Variants in CCL15 observed in about 807,000 individuals in gnomAD.
CCL15 encodes C-C motif chemokine ligand 15.
In CCL15, 8 loss-of-function variants were observed where a neutral mutation model predicts 10.6. That is an observed-to-expected ratio of 0.75 (90% CI 0.44 to 1.36). The LOEUF is 1.36. Ranked by LOEUF, CCL15 falls within the 40% of genes most tolerant of loss-of-function variation. CCL15 has a pLI of 0.00. For synonymous variants in CCL15, 51 were observed against 48.8 expected (o/e 1.04, Z -0.19); for missense variants, 128 against 136.6 (o/e 0.94, Z 0.32).
In CCL15 at chr17:35,998,339, C is replaced by T. The variant is rs959029047; in HGVS notation, c.189G>A (p.Pro63=). 7 of 1,614,054 alleles carry T rather than the reference C, an allele frequency of 4.3e-6. No individual in the cohort carries two copies. Among genetic ancestry groups the T allele is most frequent in the South Asian group, 2.2e-5 (2 of 91,076 alleles). ...CAAAATAACTTTTCATGAGTGAACA[C>T]GGGATGCTTTGTGAGATGTAGGAGG... ...CCTSYISQSI[P]CSLMKSYFET... The change falls in exon 3 of 4, where the codon CCG becomes CCA. Residue 63 remains proline, a synonymous_variant. Coordinates refer to ENST00000617897, the MANE Select transcript of CCL15 (RefSeq NM_032965.6).
intron 1 of CCL15, 88 bp downstream of exon 1, chr17:36,001,329 G>T: frequency 6.6e-7 from 1 of 1,522,156 alleles, no homozygotes; most frequent in South Asian, 1.2e-5. Context: ...AACCATGTCT[G>T]GGCTGGAGAG....
chr17:36,001,107 G>A (rs1164527565), intron 1 of CCL15, among the ~76,000 whole-genome samples: 1 of 152,166 alleles, frequency 6.6e-6, no homozygotes, highest in African/African-American at 2.4e-5. Context: ...AAAATTGTAT[G>A]ATTCTTTTTA....
chr17:36,000,115 C>A (rs1201320425), intron 1 of CCL15, among the ~76,000 whole-genome samples: 1 of 142,814 alleles, frequency 7.0e-6, no homozygotes, highest in Non-Finnish European at 1.5e-5. Flanking sequence ...CGTGCCACTG[C>A]ACTCCAGCCT....
At chr17:35,998,829 G>C (rs1346118693) in intron 2 of CCL15, 37 bp downstream of exon 2, 1 of 1,546,110 alleles carries the variant, frequency 6.5e-7, no homozygotes, top group South Asian at 1.1e-5. Context: ...TGCACCTGCT[G>C]GCTGCTTTTA....
chr17:36,001,501 T>G lies in CCL15; in HGVS notation c.-9A>C. On this transcript the variant is annotated 5_prime_UTR_variant, in exon 1 of 4. Coordinates refer to ENST00000617897, the MANE Select transcript of CCL15 (RefSeq NM_032965.6). ...GCCACGGAGACCTTCATCCTCCTGGTGGGCAGGCAGGGCTGGCCGAGGACT... is the reference window on the plus strand; with the variant it reads ...GCCACGGAGACCTTCATCCTCCTGGGGGGCAGGCAGGGCTGGCCGAGGACT... 2 of 1,613,238 alleles carry G rather than the reference T, an allele frequency of 1.2e-6. No individual in the cohort carries two copies. The highest frequency in any genetic ancestry group is 4.5e-5 in the East Asian group (2 of 44,890).
rs553064365 is a variant in CCL15 at position 35,998,408 on chromosome 17, C to T, written c.137-17G>A. 85 of 1,568,546 alleles carry T rather than the reference C, an allele frequency of 5.4e-5. No homozygotes were observed. Among genetic ancestry groups the T allele is most frequent in the Middle Eastern group, 1.7e-4 (1 of 5,960 alleles). ...AGTGAAAGCCTGCAGCAAGAGAAAG[C>T]GTCATCTGAGGGCAAATCTTTCTCC... is the stretch of plus-strand genomic sequence containing the variant. On this transcript the variant is annotated splice_polypyrimidine_tract_variant and intron_variant, in intron 2 of 3. Coordinates refer to ENST00000617897, the MANE Select transcript of CCL15 (RefSeq NM_032965.6).
chr17:35,998,713 C>T (rs1008300126), intron 2 of CCL15, among the ~76,000 whole-genome samples, 153 bp downstream of exon 2: 1 of 152,204 alleles, frequency 6.6e-6, no homozygotes, highest in Admixed American at 6.5e-5. Flanking sequence ...TGGAGGGGGT[C>T]CCCCTACCCT....
chr17:35,998,591 T>C lies in CCL15; in HGVS notation c.137-200A>G, dbSNP rs531524856. Among the ~76,000 whole-genome samples, 141 of 152,130 alleles carry C rather than the reference T, an allele frequency of 9.3e-4. 1 individual carries two copies. Among genetic ancestry groups the C allele is most frequent in the African/African-American group, 3.3e-3 (136 of 41,508 alleles). On this transcript the variant is annotated intron_variant, in intron 2 of 3. Coordinates refer to ENST00000617897, the MANE Select transcript of CCL15 (RefSeq NM_032965.6). ...GTGGGCCACAGCAGGACCAAGAAAA[T>C]TTCCCCCAGAAGGGGAAGGCATCTG...
intron 1 of CCL15, among the ~76,000 whole-genome samples, chr17:36,000,150 CAAAA>C (rs71157587): frequency 3.1e-5 from 2 of 63,644 alleles, no homozygotes; most frequent in Non-Finnish European, 3.3e-5. Flanking sequence ...GACTCCATCT[CAAAA>C]AAAAAAAAAA....
rs41399552 is a variant in CCL15 at position 35,997,708 on chromosome 17, C to T, written c.*59G>A. 1.3e-4 allele frequency: 128 copies of T among 1,003,936 alleles called. No homozygotes were observed. The East Asian group carries it at 2.8e-3, about 22-fold the overall frequency. The allele number at this position is 1,003,936 out of a possible 1,614,324, so 62.2% of individuals were successfully genotyped here. ...ATATATATTTTTTAAGTATTTCAGA[C>T]CAAGAAACTCACAGGAGGTGTTGGA... On this transcript the variant is annotated 3_prime_UTR_variant, in exon 4 of 4. Coordinates refer to ENST00000617897, the MANE Select transcript of CCL15 (RefSeq NM_032965.6).
chr17:36,001,551 C>A lies in CCL15; in HGVS notation c.-59G>T, dbSNP rs2089997018. 1 of 1,605,522 alleles carries A rather than the reference C, an allele frequency of 6.2e-7. No homozygotes were observed. The highest frequency in any genetic ancestry group is 2.2e-5 in the East Asian group (1 of 44,652). The stretch of plus-strand genomic sequence containing the variant: ...TCCTGGGCTCACTGCTTCCTGGCTC[C>A]CCGGGATACCAGCTCTGCCCTTGTA... On this transcript the variant is annotated 5_prime_UTR_variant, in exon 1 of 4. Coordinates refer to ENST00000617897, the MANE Select transcript of CCL15 (RefSeq NM_032965.6).
chr17:35,997,706 G>T lies in CCL15; in HGVS notation c.*61C>A. ...ATATATATATTTTTTAAGTATTTCA[G>T]ACCAAGAAACTCACAGGAGGTGTTG... On this transcript the variant is annotated 3_prime_UTR_variant, in exon 4 of 4. Transcript: ENST00000617897. 1.0e-6 allele frequency: 1 copy of T among 982,896 alleles called. No homozygotes were observed. The highest frequency in any genetic ancestry group is 1.3e-5 in the South Asian group (1 of 76,730). The allele number at this position is 982,896 out of a possible 1,614,324, so 60.9% of individuals were successfully genotyped here.
rs1568467988 is a variant in CCL15, at chr17:35,997,841, GC to G, written c.267del (p.Arg90GlyfsTer16). ...KPGVIFLTKK[G>X]RQVCAKPSGP... ...CCACTGGGTTTGGCACAGACTTGCCGCCCCTTCTTGGTGAGGAATCTGGGGA... is the reference window on the plus strand; with the variant it reads ...CCACTGGGTTTGGCACAGACTTGCCGCCCTTCTTGGTGAGGAATCTGGGGA... On this transcript the variant is annotated frameshift_variant, in exon 4 of 4. Coordinates refer to ENST00000617897, the MANE Select transcript of CCL15 (RefSeq NM_032965.6). LOFTEE classifies it low-confidence loss of function (END_TRUNC). 1 of 1,613,656 alleles carries G rather than the reference GC, an allele frequency of 6.2e-7. No individual in the cohort carries two copies. The highest frequency in any genetic ancestry group is 1.1e-5 in the South Asian group (1 of 91,048).
At chr17:35,997,904 A>G in intron 3 of CCL15, 44 bp from the exon 4 acceptor site, 1 of 1,472,470 alleles carries the variant, frequency 6.8e-7, no homozygotes, top group South Asian at 1.1e-5. Flanking sequence ...AGGTGTGGGC[A>G]GATGGAGACA....
intron 1 of CCL15, among the ~76,000 whole-genome samples, chr17:36,000,603 T>A (rs1366413167): frequency 6.6e-6 from 1 of 151,622 alleles, no homozygotes; most frequent in Non-Finnish European, 1.5e-5. Flanking sequence ...CCCATCCACC[T>A]CCTTTGCTAA....
At chr17:36,000,817 T>C (rs1464357218) in intron 1 of CCL15, among the ~76,000 whole-genome samples, 7 of 151,442 alleles carry the variant, frequency 4.6e-5, no homozygotes, top group Admixed American at 4.6e-4. Context: ...CCCTCCTGTT[T>C]GTGACTCCTG....
At chr17:35,998,135 C>A in intron 3 of CCL15, 145 bp downstream of exon 3, 2 of 641,090 alleles carry the variant, frequency 3.1e-6, no homozygotes, top group Non-Finnish European at 5.6e-6. Context: ...TGATGCCCTG[C>A]AGAATCCTCG....
In CCL15 at chr17:35,998,850, G is replaced by C; in HGVS notation, c.136+16C>G. The C allele has an allele frequency of 1.9e-6, 3 of 1,602,088 alleles. No homozygotes were observed. Among genetic ancestry groups the C allele is most frequent in the Non-Finnish European group, 2.6e-6 (3 of 1,168,956 alleles). On this transcript the variant is annotated intron_variant, in intron 2 of 3. Coordinates refer to ENST00000617897, the MANE Select transcript of CCL15 (RefSeq NM_032965.6). ...TGCTGGCTGCTTTTAAATGTATGCC[G>C]TATCTGATCACTTACTGTTCAGAAC...
At chr17:36,000,830 C>T (rs900012930) in intron 1 of CCL15, among the ~76,000 whole-genome samples, 1 of 151,574 alleles carries the variant, frequency 6.6e-6, no homozygotes, top group African/African-American at 2.4e-5. Flanking sequence ...GACTCCTGCC[C>T]GTGACTCCTG....
Sources: allele counts gnomAD v4.1 joint callset (sites outside exome capture counted in the v4.1 genomes callset), GRCh38; gene constraint gnomAD v4.1.1; transcripts MANE v1.5; gene names NCBI Gene and HGNC (gene_info 2026-07-23, HGNC 2026-07-21).